Variants in DIS3L2 observed in about 807,000 individuals in gnomAD.
DIS3L2 encodes the protein DIS3 like 3'-5' exoribonuclease 2.
Under a neutral mutation model 97.5 loss-of-function variants are expected in DIS3L2, and 34 were observed. That is an observed-to-expected ratio of 0.35 (90% CI 0.27 to 0.46). DIS3L2 has a LOEUF of 0.46. DIS3L2 is among the 20% of genes least tolerant of loss of function. The probability of loss-of-function intolerance (pLI) is 1.00; values close to 1 mark genes in which losing one functional copy is unlikely to be tolerated. For synonymous variants in DIS3L2, 435 were observed against 445.2 expected, an observed-to-expected ratio of 0.98 and a Z score of 0.29; for missense variants, 1,038 against 1,146.0, an observed-to-expected ratio of 0.91 and a Z score of 1.36.
At chr2:232,103,222 A>T (rs1697255912) in intron 6 of DIS3L2, among the ~76,000 whole-genome samples, 1 of 151,918 alleles carries the variant, frequency 6.6e-6, no homozygotes, top group East Asian at 1.9e-4. Flanking sequence ...TTTCCTTTCT[A>T]ATTTTGTACC....
Position 232,292,343 on chromosome 2 carries a change from C to T in DIS3L2, c.1660-7697C>T. 6.6e-6 allele frequency among the ~76,000 whole-genome samples: 1 copy of T among 152,214 alleles called. No individual in the cohort carries two copies. The highest frequency in any genetic ancestry group is 1.5e-5 in the Non-Finnish European group (1 of 68,040). ...GCCTGAGGAAGCTGTACATAGTCCT[C>T]AGTCACTCATTCTTGTTACCCACCT... On this transcript the variant is annotated intron_variant, in intron 13 of 20. Transcript: ENST00000325385. This position sits in a 1 kb window ranked among gnomAD's most constrained non-coding sequence, Gnocchi z 4.4.
intron 9 of DIS3L2, among the ~76,000 whole-genome samples, chr2:232,202,354 C>T (rs1464630379): frequency 6.6e-6 from 1 of 152,072 alleles, no homozygotes; most frequent in African/African-American, 2.4e-5. Context: ...GCAGAGATTG[C>T]GCCACTGCAC....
At chr2:231,979,400 G>T (rs1453736034) in intron 1 of DIS3L2, among the ~76,000 whole-genome samples, 2 of 151,730 alleles carry the variant, frequency 1.3e-5, no homozygotes, top group Non-Finnish European at 2.9e-5. Context: ...AGGTCTACAG[G>T]CATTCACCAC....
intron 14 of DIS3L2, among the ~76,000 whole-genome samples, chr2:232,313,945 A>G (rs1355532108): frequency 5.9e-5 from 9 of 152,252 alleles, no homozygotes; most frequent in Non-Finnish European, 1.0e-4. Context: ...AGCATGAGAA[A>G]GACCTGCCCC....
intron 16 of DIS3L2, among the ~76,000 whole-genome samples, chr2:232,333,327 C>T (rs1191868751): frequency 4.0e-5 from 6 of 150,382 alleles, no homozygotes; most frequent in Non-Finnish European, 7.4e-5. Context: ...TCCCCCACCC[C>T]CCGCCGCTAC....
At chr2:232,195,495 AATC>A (rs1244483776) in intron 9 of DIS3L2, among the ~76,000 whole-genome samples, 1 of 145,688 alleles carries the variant, frequency 6.9e-6, no homozygotes, top group Non-Finnish European at 1.5e-5. Flanking sequence ...TTGGGGATGA[AATC>A]ATAGGGAGTT....
intron 14 of DIS3L2, among the ~76,000 whole-genome samples, chr2:232,307,165 G>A (rs935034883): frequency 1.3e-5 from 2 of 152,212 alleles, no homozygotes; most frequent in Non-Finnish European, 2.9e-5. Context: ...GTTGGCTTCC[G>A]CCACTGGCCT....
chr2:232,342,274 T>C (rs1011460078), intron 13 of DIS3L2, among the ~76,000 whole-genome samples: 3 of 148,524 alleles, frequency 2.0e-5, no homozygotes, highest in Non-Finnish European at 1.5e-5. Context: ...CACATATACA[T>C]ATATACACAT....
intron 6 of DIS3L2, among the ~76,000 whole-genome samples, chr2:232,100,444 A>C (rs1252796231): frequency 6.6e-6 from 1 of 151,878 alleles, no homozygotes; most frequent in Admixed American, 6.5e-5. Flanking sequence ...CCTTTCCCCA[A>C]ATTCTTGAGT....
At chr2:232,157,117 AG>A (rs1690514619) in intron 8 of DIS3L2, among the ~76,000 whole-genome samples, 2 of 152,162 alleles carry the variant, frequency 1.3e-5, no homozygotes, top group Admixed American at 1.3e-4. Context: ...GAAAGTACAT[AG>A]CATATTTTCT....
At chr2:232,297,009 A>G (rs995928983) in intron 13 of DIS3L2, among the ~76,000 whole-genome samples, 1 of 152,150 alleles carries the variant, frequency 6.6e-6, no homozygotes, top group Non-Finnish European at 1.5e-5. Flanking sequence ...TCACCACAGC[A>G]TTGTGTGGGG....
intron 8 of DIS3L2, among the ~76,000 whole-genome samples, chr2:232,155,967 G>C (rs1038523918): frequency 2.6e-5 from 4 of 151,778 alleles, no homozygotes; most frequent in African/African-American, 9.7e-5. Context: ...TCCAGCCTGG[G>C]CGACAGAGTG....
At chr2:232,114,203 C>A (rs1250061648) in intron 6 of DIS3L2, among the ~76,000 whole-genome samples, 3 of 151,982 alleles carry the variant, frequency 2.0e-5, no homozygotes, top group Non-Finnish European at 2.9e-5. Flanking sequence ...AGACTCCCGT[C>A]CCTCCCATTC....
Position 232,154,877 on chromosome 2 carries a change from T to C in DIS3L2, c.951-8582T>C, listed in dbSNP as rs535449680. ...GAGATTCCGTGGGCGTAGGACCCTC[T>C]GAGCCCGGTGTGGGATATAGTCTCG... On this transcript the variant is annotated intron_variant, in intron 8 of 20. Transcript: ENST00000325385. Among the ~76,000 whole-genome samples the C allele has an allele frequency of 5.4e-3, 207 of 38,438 alleles. 3 individuals are homozygous for C. The highest frequency in any genetic ancestry group is 9.6e-3 in the Admixed American group (31 of 3,226). The allele number at this position is 38,438 out of a possible 152,430, so 25.2% of individuals were successfully genotyped here. A position where few individuals can be genotyped will look rare whatever the true frequency, so the allele number is the denominator to read the frequency against.
intron 9 of DIS3L2, among the ~76,000 whole-genome samples, chr2:232,175,195 C>T (rs1691118264): frequency 6.6e-6 from 1 of 152,038 alleles, no homozygotes; most frequent in South Asian, 2.1e-4. Context: ...CAGCTGAAAG[C>T]TTTTCCTTCT....
chr2:232,285,009 G>A (rs544711748), intron 13 of DIS3L2, among the ~76,000 whole-genome samples: 2 of 152,292 alleles, frequency 1.3e-5, no homozygotes, highest in South Asian at 4.1e-4. Flanking sequence ...CCTGAATAGG[G>A]GCCCTGGACT....
At chr2:232,329,789 T>TGGG in intron 14 of DIS3L2, 24 bp from the exon 15 acceptor site, 54 of 368,546 alleles carry the variant, frequency 1.5e-4, no homozygotes, top group Non-Finnish European at 2.2e-4. Context: ...CAGCGGTCCC[T>TGGG]CCCATCCCAC....
At chr2:232,342,289 GCATATATACACATATATA>G (rs1302690925) in intron 13 of DIS3L2, among the ~76,000 whole-genome samples, 37 of 150,440 alleles carry the variant, frequency 2.5e-4, no homozygotes, top group Non-Finnish European at 4.1e-4. Context: ...ACACATATAT[GCATATATACACATATATA>G]CATATATACA....
At chr2:232,194,204 C>A (rs1471066769) in intron 9 of DIS3L2, among the ~76,000 whole-genome samples, 1 of 151,894 alleles carries the variant, frequency 6.6e-6, no homozygotes, top group Non-Finnish European at 1.5e-5. Flanking sequence ...ATGTATCTTG[C>A]AAATATTAAT....
Sources: allele counts gnomAD v4.1 joint callset (sites outside exome capture counted in the v4.1 genomes callset), GRCh38; gene constraint gnomAD v4.1.1; non-coding constraint Gnocchi (gnomAD v3.1); transcripts MANE v1.5; gene names NCBI Gene and HGNC (gene_info 2026-07-23, HGNC 2026-07-21).